The following PTPRJ variants were observed in gnomAD, a reference collection of about 807,000 sequenced individuals.
PTPRJ encodes protein tyrosine phosphatase receptor type J.
PTPRJ carries 129 observed loss-of-function variants against 141.3 expected under a neutral mutation model. The ratio of observed to expected loss-of-function variants is 0.91; its 90% CI spans 0.79 to 1.06. The LOEUF (loss-of-function observed/expected upper bound fraction) is 1.06. Among genes scored for constraint, PTPRJ ranks in the 50% least tolerant of loss-of-function variants. The probability of loss-of-function intolerance (pLI) is 0.00; values close to 1 mark genes in which losing one functional copy is unlikely to be tolerated. For synonymous variants in PTPRJ, 610 were observed against 640.5 expected (o/e 0.95, Z 0.72); for missense variants, 1,601 against 1,679.7 (o/e 0.95, Z 0.82).
intron 2 of PTPRJ, among the ~76,000 whole-genome samples, chr11:48,111,594 A>G (rs1466380145): frequency 5.9e-5 from 9 of 152,206 alleles, no homozygotes. Context: ...TTAGTTTAAT[A>G]AATAAACTGG....
intron 1 of PTPRJ, among the ~76,000 whole-genome samples, chr11:47,981,722 T>G (rs1014497439): frequency 4.6e-5 from 7 of 151,990 alleles, no homozygotes; most frequent in African/African-American, 1.7e-4. Flanking sequence ...GATAATGCTG[T>G]CCCTGGCGTT....
Position 48,144,709 on chromosome 11 carries a change from G to T in PTPRJ, c.2610G>T (p.Thr870=), listed in dbSNP as rs143660055. The T allele has an allele frequency of 6.2e-7, 1 of 1,614,004 alleles. No individual in the cohort carries two copies. The highest frequency in any genetic ancestry group is 2.2e-5 in the East Asian group (1 of 44,868). ...CTTCTGCAGATGTCCTGAAATACAC[G>T]TATGAGGATTTCAAAAAGGGAGCCT... ...GHPSADVLKY[T]YEDFKKGASD... The change falls in exon 13 of 25, where the codon ACG becomes ACT. Residue 870 remains threonine (T), a synonymous_variant. Transcript: ENST00000418331.
rs200345421 is a variant in PTPRJ at position 48,110,113 on chromosome 11, G to C, written c.115+37G>C. ...TTTCCTCTCTATTCTTGTGTTGTTC[G>C]CTACTGCCCCCTAATGGACACACAG... On this transcript the variant is annotated intron_variant, in intron 2 of 24. Transcript: ENST00000418331. The C allele has an allele frequency of 6.9e-6, 11 of 1,599,606 alleles. No individual in the cohort carries two copies. The African/African-American group carries it at 1.1e-4, about 16-fold the overall frequency.
At chr11:48,105,544 A>G (rs941077808) in intron 1 of PTPRJ, among the ~76,000 whole-genome samples, 5 of 152,178 alleles carry the variant, frequency 3.3e-5, no homozygotes, top group African/African-American at 1.2e-4. Context: ...AGGACAACTC[A>G]GATATGGGGT....
rs1288194333 is a variant in PTPRJ, at chr11:48,158,156, C to T, written c.3439-1774C>T. 6.6e-6 allele frequency among the ~76,000 whole-genome samples: 1 copy of T among 151,934 alleles called. No homozygotes were observed. The highest frequency in any genetic ancestry group is 1.5e-5 in the Non-Finnish European group (1 of 67,938). ...AACAGAGCAAGACTCTGTCTCAAAA[C>T]AAAACAAAACAAAAAAAGAAGAATG... is the stretch of plus-strand genomic sequence containing the variant. On this transcript the variant is annotated intron_variant, in intron 21 of 24. Transcript: ENST00000418331. The surrounding 1 kb of genome is among the most constrained non-coding windows in gnomAD (Gnocchi z 4.4).
chr11:48,122,896 T>C (rs1056705206), intron 4 of PTPRJ, among the ~76,000 whole-genome samples: 1 of 152,152 alleles, frequency 6.6e-6, no homozygotes, highest in Admixed American at 6.5e-5. Context: ...TTTCTGTACA[T>C]GAAGCTGCAG....
chr11:48,016,473 A>T (rs1368225433), intron 1 of PTPRJ, among the ~76,000 whole-genome samples: 2 of 152,224 alleles, frequency 1.3e-5, no homozygotes, highest in African/African-American at 2.4e-5. Flanking sequence ...GACAGTTCCA[A>T]TGTGAACCCA....
At chr11:48,134,656 C>A (rs1857046814) in intron 8 of PTPRJ, among the ~76,000 whole-genome samples, 1 of 152,186 alleles carries the variant, frequency 6.6e-6, no homozygotes, top group Non-Finnish European at 1.5e-5. Flanking sequence ...CTGCCCATTT[C>A]CTCTCCCTGG....
chr11:48,109,961 C>A, intron 1 of PTPRJ, 97 bp from the exon 2 acceptor site: 2 of 1,380,340 alleles, frequency 1.4e-6, no homozygotes, highest in South Asian at 1.2e-5. Flanking sequence ...TCTTACCACC[C>A]CACCCCCATT....
intron 1 of PTPRJ, among the ~76,000 whole-genome samples, chr11:47,988,275 A>G (rs1359325234): frequency 1.3e-5 from 2 of 152,270 alleles, no homozygotes; most frequent in Non-Finnish European, 2.9e-5. Flanking sequence ...ATCCTTCCCC[A>G]AAAGGGAATG....
chr11:48,115,997 T>C (rs775875778), intron 3 of PTPRJ, among the ~76,000 whole-genome samples: 5 of 152,026 alleles, frequency 3.3e-5, no homozygotes, highest in Non-Finnish European at 5.9e-5. Context: ...CAAAGGAAGA[T>C]AGTAAGAGAG....
At chr11:48,088,077 TTC>T (rs1304598201) in intron 1 of PTPRJ, among the ~76,000 whole-genome samples, 1 of 152,202 alleles carries the variant, frequency 6.6e-6, no homozygotes, top group African/African-American at 2.4e-5. Flanking sequence ...CTAGCAGCAT[TTC>T]TGTCTCCAGT....
intron 1 of PTPRJ, among the ~76,000 whole-genome samples, chr11:48,091,938 G>A (rs952577743): frequency 1.3e-5 from 2 of 152,140 alleles, no homozygotes; most frequent in African/African-American, 4.8e-5. Flanking sequence ...CTGTGAAGCT[G>A]GTAGGTTACA....
intron 1 of PTPRJ, among the ~76,000 whole-genome samples, chr11:47,988,957 C>T (rs1235442036): frequency 1.5e-5 from 2 of 133,414 alleles, no homozygotes; most frequent in East Asian, 2.3e-4. Flanking sequence ...GCGCTGGGCT[C>T]ACTGCAAGCT....
chr11:48,022,085 C>G (rs1236688920), intron 1 of PTPRJ, among the ~76,000 whole-genome samples: 1 of 152,162 alleles, frequency 6.6e-6, no homozygotes, highest in Non-Finnish European at 1.5e-5. Context: ...TGTGTCATTA[C>G]ATTATTGTGG....
chr11:48,046,793 A>G (rs1854409672), intron 1 of PTPRJ, among the ~76,000 whole-genome samples: 1 of 151,548 alleles, frequency 6.6e-6, no homozygotes, highest in African/African-American at 2.4e-5. Context: ...AGGCTGGGTA[A>G]CTTATCCCAG....
intron 8 of PTPRJ, among the ~76,000 whole-genome samples, chr11:48,131,326 G>T (rs1565319104): frequency 6.6e-6 from 1 of 151,782 alleles, no homozygotes; most frequent in South Asian, 2.1e-4. Flanking sequence ...CAAATGATCT[G>T]CCCACCTCAG....
intron 1 of PTPRJ, among the ~76,000 whole-genome samples, chr11:48,093,765 G>A (rs1047105427): frequency 6.7e-6 from 1 of 149,926 alleles, no homozygotes; most frequent in Admixed American, 6.7e-5. Flanking sequence ...CTTATAAAAT[G>A]TAATTTCTCA....
At chr11:48,017,361 G>T (rs759493200) in intron 1 of PTPRJ, among the ~76,000 whole-genome samples, 9 of 152,144 alleles carry the variant, frequency 5.9e-5, no homozygotes, top group Non-Finnish European at 1.0e-4. Context: ...AACAAGCCTG[G>T]CACACTGAGT....
Sources: allele counts gnomAD v4.1 joint callset (sites outside exome capture counted in the v4.1 genomes callset), GRCh38; gene constraint gnomAD v4.1.1; non-coding constraint Gnocchi (gnomAD v3.1); transcripts MANE v1.5; gene names NCBI Gene and HGNC (gene_info 2026-07-23, HGNC 2026-07-21).